DEPTOR: variants seen among roughly 807,000 people sequenced by gnomAD.
DEPTOR encodes the protein DEP domain containing MTOR interacting protein, also known as DEP domain-containing mTOR-interacting protein.
Under a neutral mutation model 41.6 loss-of-function variants are expected in DEPTOR, and 41 were observed. The ratio of observed to expected loss-of-function variants is 0.98; its 90% confidence interval spans 0.77 to 1.28. The LOEUF is 1.28. DEPTOR is among the 50% of genes most tolerant of loss of function. DEPTOR has a pLI of 0.00. For missense variants in DEPTOR, 514 were observed against 527.9 expected (o/e 0.97, Z 0.26); for synonymous variants, 195 against 192.3 (o/e 1.01, Z -0.12).
chr8:120,014,536 T>C (rs1055685497), intron 8 of DEPTOR, among the ~76,000 whole-genome samples: 10 of 152,180 alleles, frequency 6.6e-5, no homozygotes, highest in South Asian at 4.2e-4. Context: ...TATTTTTTTT[T>C]CCCTTTTTTT....
At chr8:119,902,178 G>C (rs1020427267) in intron 1 of DEPTOR, among the ~76,000 whole-genome samples, 2 of 152,058 alleles carry the variant, frequency 1.3e-5, no homozygotes, top group African/African-American at 4.8e-5. Context: ...ATACTTCCTT[G>C]CTCAATGTTG....
intron 4 of DEPTOR, among the ~76,000 whole-genome samples, chr8:119,967,850 T>G (rs536433697): frequency 3.3e-5 from 5 of 152,264 alleles, no homozygotes; most frequent in African/African-American, 1.2e-4. Flanking sequence ...AGGTGTATAT[T>G]GAGTTACAAC....
Position 119,904,357 on chromosome 8 carries a change from G to A in DEPTOR, c.123-24043G>A, listed in dbSNP as rs750964376. On this transcript the variant is annotated intron_variant, in intron 1 of 8. Coordinates refer to ENST00000286234, the MANE Select transcript of DEPTOR (RefSeq NM_022783.4). ...TGGCCTCCAACTCCTGACCTAAGAT[G>A]ATCCACCCTCCTCAGCCTCCCAAAG... 7.9e-5 allele frequency among the ~76,000 whole-genome samples: 12 copies of A among 152,128 alleles called. No individual in the cohort carries two copies. In the South Asian group the frequency reaches 8.3e-4, roughly 10 times the overall value.
chr8:119,943,718 T>G (rs1828232766), intron 3 of DEPTOR, among the ~76,000 whole-genome samples: 1 of 152,218 alleles, frequency 6.6e-6, no homozygotes, highest in African/African-American at 2.4e-5. Flanking sequence ...AAGTTGTTAA[T>G]GACCACCCCA....
chr8:119,948,568 T>G (rs1828312214), intron 3 of DEPTOR, among the ~76,000 whole-genome samples: 1 of 152,040 alleles, frequency 6.6e-6, no homozygotes, highest in Non-Finnish European at 1.5e-5. Flanking sequence ...TTAAAGCATA[T>G]AAGTTAATTT....
chr8:120,027,249 T>TAATAATAATAATAAC (rs1554586793), intron 8 of DEPTOR, among the ~76,000 whole-genome samples: 1 of 149,368 alleles, frequency 6.7e-6, no homozygotes, highest in Non-Finnish European at 1.5e-5. Flanking sequence ...ATAATAATAA[T>TAATAATAATAATAAC]AATAATAATA....
intron 1 of DEPTOR, among the ~76,000 whole-genome samples, chr8:119,924,155 GGA>G (rs1238128060): frequency 6.6e-6 from 1 of 152,138 alleles, no homozygotes; most frequent in Admixed American, 6.5e-5. Context: ...GGTGATGGAA[GGA>G]GAGAGTCTTG....
rs1812791291 is a variant in DEPTOR at position 120,026,008 on chromosome 8, C to T, written c.1101+16875C>T. Among the ~76,000 whole-genome samples, 3 of 144,306 alleles carry T rather than the reference C, an allele frequency of 2.1e-5. No individual in the cohort carries two copies. The Admixed American group carries it at 2.1e-4, about 10-fold the overall frequency. 94.7% of individuals were successfully genotyped at this position (144,306 alleles called of 152,430 possible). A position where few individuals can be genotyped will look rare whatever the true frequency, so the allele number is the denominator to read the frequency against. On this transcript the variant is annotated intron_variant, in intron 8 of 8. Transcript: ENST00000286234. ...TTGATTTTTTTTTTTTTTTCTGAGA[C>T]CGAGTTTCACTCTGGTTGCCCAGGC...
chr8:120,013,050 A>G (rs920533307), intron 8 of DEPTOR, among the ~76,000 whole-genome samples: 6 of 151,868 alleles, frequency 4.0e-5, no homozygotes, highest in Non-Finnish European at 7.4e-5. Flanking sequence ...CCAGCTACTC[A>G]AGAGACTGAG....
At chr8:119,937,525 C>T (rs952547033) in intron 3 of DEPTOR, among the ~76,000 whole-genome samples, 2 of 152,154 alleles carry the variant, frequency 1.3e-5, no homozygotes, top group African/African-American at 4.8e-5. Flanking sequence ...GAACAATGTC[C>T]TAAGATTGCA....
intron 4 of DEPTOR, among the ~76,000 whole-genome samples, chr8:119,990,648 T>C (rs2130048463): frequency 6.6e-6 from 1 of 152,342 alleles, no homozygotes; most frequent in East Asian, 1.9e-4. Context: ...TCCTCTTGCC[T>C]CCCTTCAATC....
chr8:119,898,973 T>C (rs1248079186), intron 1 of DEPTOR, among the ~76,000 whole-genome samples: 2 of 152,196 alleles, frequency 1.3e-5, no homozygotes, highest in Middle Eastern at 3.2e-3. Flanking sequence ...CAAAACCCCA[T>C]ATTCCTTTTG....
chr8:119,949,297 A>T (rs1170222803), intron 3 of DEPTOR, among the ~76,000 whole-genome samples: 2 of 152,098 alleles, frequency 1.3e-5, no homozygotes, highest in Non-Finnish European at 2.9e-5. Flanking sequence ...GATTGTATTT[A>T]CTCTTTGGCC....
chr8:120,030,497 G>GTTTTTTTTTTTGTTTTTTTTTT (rs1812871335), intron 8 of DEPTOR, among the ~76,000 whole-genome samples: 1 of 46,192 alleles, frequency 2.2e-5, no homozygotes, highest in African/African-American at 8.9e-5. Flanking sequence ...AGGTTCATCA[G>GTTTTTTTTTTTGTTTTTTTTTT]TTTTTTTTTT....
chr8:120,015,768 G>A (rs1050467356), intron 8 of DEPTOR, among the ~76,000 whole-genome samples: 4 of 152,206 alleles, frequency 2.6e-5, no homozygotes, highest in Non-Finnish European at 4.4e-5. Context: ...AGTTTTATAA[G>A]TAGGCTGGCG....
At chr8:119,882,180 T>A (rs1827306479) in intron 1 of DEPTOR, among the ~76,000 whole-genome samples, 1 of 152,130 alleles carries the variant, frequency 6.6e-6, no homozygotes, top group Non-Finnish European at 1.5e-5. Context: ...GATGAGCCAC[T>A]GCGCTCGGCC....
At position 119,873,741 on chromosome 8, in the gene DEPTOR, C is replaced by A; in HGVS notation, c.-106C>A. 4.7e-6 allele frequency: 7 copies of A among 1,502,642 alleles called. No homozygotes were observed. The highest frequency in any genetic ancestry group is 6.3e-6 in the Non-Finnish European group (7 of 1,115,508). The allele number at this position is 1,502,642 out of a possible 1,614,324, so 93.1% of individuals were successfully genotyped here. A position where few individuals can be genotyped will look rare whatever the true frequency, so the allele number is the denominator to read the frequency against. On this transcript the variant is annotated 5_prime_UTR_variant, in exon 1 of 9. Transcript: ENST00000286234. ...CAATCCAGTCAGAGCAGCGGAGCTG[C>A]CCCGAACAAAGATGGCGCGGGAAGC...
intron 1 of DEPTOR, among the ~76,000 whole-genome samples, chr8:119,910,292 C>T (rs115208399): frequency 1.2e-3 from 178 of 146,942 alleles, no homozygotes; most frequent in African/African-American, 4.0e-3. Context: ...GTGCTTTTCA[C>T]TGGCTGTGTC....
intron 8 of DEPTOR, among the ~76,000 whole-genome samples, chr8:120,040,354 A>T (rs1487857303): frequency 2.6e-5 from 4 of 151,922 alleles, no homozygotes; most frequent in Non-Finnish European, 1.5e-5. Context: ...AGGCGGGCAG[A>T]TCTCGAGGTC....
Sources: allele counts gnomAD v4.1 joint callset (sites outside exome capture counted in the v4.1 genomes callset), GRCh38; gene constraint gnomAD v4.1.1; transcripts MANE v1.5; gene names NCBI Gene and HGNC (gene_info 2026-07-23, HGNC 2026-07-21).